Variants in CCDC60 observed in about 807,000 individuals in gnomAD.
The protein encoded by CCDC60 is coiled-coil domain-containing protein 60.
CCDC60 carries 54 observed loss-of-function variants against 63.5 expected under a neutral mutation model. That is an observed-to-expected ratio of 0.85 (90% CI 0.68 to 1.07). CCDC60 has a LOEUF of 1.07. Among genes scored for constraint, CCDC60 ranks in the 50% least tolerant of loss-of-function variants. The pLI, the probability that CCDC60 is intolerant of heterozygous loss-of-function variation, is 0.00. For synonymous variants in CCDC60, 206 were observed against 238.8 expected (o/e 0.86, Z 1.27); for missense variants, 651 against 684.3 (o/e 0.95, Z 0.54).
chr12:119,471,965 T>A, intron 2 of CCDC60, 29 bp from the exon 3 acceptor site: 1 of 1,599,974 alleles, frequency 6.3e-7, no homozygotes, highest in Non-Finnish European at 8.5e-7. Context: ...TTCCTCCCTC[T>A]CTCCCTCTTC....
At chr12:119,397,080 G>A (rs183790035) in intron 1 of CCDC60, among the ~76,000 whole-genome samples, 11 of 151,648 alleles carry the variant, frequency 7.3e-5, no homozygotes, top group East Asian at 5.8e-4. Flanking sequence ...GGAGTTGTTC[G>A]TTCCTCCCCT....
At chr12:119,436,339 T>G (rs1473641215) in intron 2 of CCDC60, among the ~76,000 whole-genome samples, 1 of 152,092 alleles carries the variant, frequency 6.6e-6, no homozygotes, top group East Asian at 1.9e-4. Flanking sequence ...CAGACAGCAG[T>G]GGGCACAGAG....
At chr12:119,396,723 A>T (rs541991445) in intron 1 of CCDC60, among the ~76,000 whole-genome samples, 3 of 152,304 alleles carry the variant, frequency 2.0e-5, no homozygotes, top group East Asian at 1.9e-4. Context: ...CTACAAAAAA[A>T]TTTAAATAAT....
chr12:119,348,820 C>T (rs1288344872), intron 1 of CCDC60, among the ~76,000 whole-genome samples: 2 of 152,148 alleles, frequency 1.3e-5, no homozygotes, highest in East Asian at 3.9e-4. Flanking sequence ...ATCATTCTCT[C>T]AAGGTCGTCC....
intron 1 of CCDC60, among the ~76,000 whole-genome samples, chr12:119,362,877 T>C (rs1955804488): frequency 6.6e-6 from 1 of 152,202 alleles, no homozygotes; most frequent in Non-Finnish European, 1.5e-5. Context: ...GGTGGGCAGA[T>C]CACTTGAGGC....
At chr12:119,491,482 C>A (rs1301746484) in intron 5 of CCDC60, among the ~76,000 whole-genome samples, 1 of 152,132 alleles carries the variant, frequency 6.6e-6, no homozygotes, top group Non-Finnish European at 1.5e-5. Flanking sequence ...GTGCCCGCCA[C>A]CACGCCCGGC....
At chr12:119,499,997 TATTTATTGC>T in intron 5 of CCDC60, 72 bp from the exon 6 acceptor site, 1 of 976,056 alleles carries the variant, frequency 1.0e-6, no homozygotes, top group Non-Finnish European at 1.7e-6. Context: ...ATTCCTCCTC[TATTTATTGC>T]ATTTCTTAAA....
intron 13 of CCDC60, among the ~76,000 whole-genome samples, chr12:119,539,724 G>A (rs1953103085): frequency 6.6e-6 from 1 of 152,168 alleles, no homozygotes; most frequent in Non-Finnish European, 1.5e-5. Context: ...GGTGCCACAG[G>A]GGTATAAGAA....
At chr12:119,407,013 T>G (rs1956504864) in intron 1 of CCDC60, among the ~76,000 whole-genome samples, 1 of 152,164 alleles carries the variant, frequency 6.6e-6, no homozygotes, top group Non-Finnish European at 1.5e-5. Context: ...AATATCTTCT[T>G]GTCATGAGAG....
At chr12:119,488,215 A>G (rs1304818380) in intron 4 of CCDC60, among the ~76,000 whole-genome samples, 2 of 152,264 alleles carry the variant, frequency 1.3e-5, no homozygotes, top group Non-Finnish European at 2.9e-5. Flanking sequence ...CAAAGGACTC[A>G]TAAATGTAAA....
Position 119,378,186 on chromosome 12 carries a change from C to T in CCDC60, c.90+42920C>T, listed in dbSNP as rs117663773. On this transcript the variant is annotated intron_variant, in intron 1 of 13. Coordinates refer to ENST00000327554, the MANE Select transcript of CCDC60 (RefSeq NM_178499.5). Reference sequence around the variant, plus strand: ...ACTAGCAGATCGGTTCTCTACCTGGCGGGTGCCGTGTTGTCTGTTCCTTAC... The same window carrying T: ...ACTAGCAGATCGGTTCTCTACCTGGTGGGTGCCGTGTTGTCTGTTCCTTAC... Among the ~76,000 whole-genome samples, 116 of 152,276 alleles carry T rather than the reference C, an allele frequency of 7.6e-4. No individual in the cohort carries two copies. The East Asian group carries it at 0.016, about 22-fold the overall frequency.
At chr12:119,424,658 A>G (rs1215527739) in intron 1 of CCDC60, among the ~76,000 whole-genome samples, 1 of 152,148 alleles carries the variant, frequency 6.6e-6, no homozygotes, top group Non-Finnish European at 1.5e-5. Flanking sequence ...TTAACTTATT[A>G]ACTTTTAATT....
At chr12:119,534,239 T>C (rs956100215) in intron 13 of CCDC60, among the ~76,000 whole-genome samples, 1 of 152,216 alleles carries the variant, frequency 6.6e-6, no homozygotes, top group African/African-American at 2.4e-5. Flanking sequence ...TATATAGGAA[T>C]GCTTGTGATT....
At chr12:119,375,196 A>G (rs1955938904) in intron 1 of CCDC60, among the ~76,000 whole-genome samples, 1 of 152,166 alleles carries the variant, frequency 6.6e-6, no homozygotes, top group Admixed American at 6.5e-5. Flanking sequence ...GTGTCTTAAG[A>G]ATGTATCCAT....
At chr12:119,392,367 TGAG>T (rs1956174863) in intron 1 of CCDC60, among the ~76,000 whole-genome samples, 1 of 152,194 alleles carries the variant, frequency 6.6e-6, no homozygotes, top group African/African-American at 2.4e-5. Flanking sequence ...ACCTCTGCTG[TGAG>T]GAGAAGTGGA....
rs566745746 is a variant in CCDC60 at position 119,424,088 on chromosome 12, A to G, written c.91-4595A>G. ...TTGCCTATAATTCAAATGCCCTGAGATAACATCTCTATTAACAATTTATTG... is the reference window on the plus strand; with the variant it reads ...TTGCCTATAATTCAAATGCCCTGAGGTAACATCTCTATTAACAATTTATTG... On this transcript the variant is annotated intron_variant, in intron 1 of 13. Coordinates refer to ENST00000327554, the MANE Select transcript of CCDC60 (RefSeq NM_178499.5). Among the ~76,000 whole-genome samples the G allele has an allele frequency of 1.3e-4, 20 of 152,336 alleles. No homozygotes were observed. The South Asian group carries it at 1.5e-3, about 11-fold the overall frequency.
chr12:119,516,691 C>A lies in CCDC60; in HGVS notation c.952C>A (p.Gln318Lys). ...GACAGTCACAATAGAAAATGGGATG[C>A]AAAGAAAAGCACCCAGGTATGTGCT... ...RRTVTIENGMQRKAPSILSVL... is the reference protein window; with the variant it reads ...RRTVTIENGMKRKAPSILSVL... Residue 318 changes from glutamine (Q) to lysine (K), a missense_variant, in exon 8 of 14, where the codon CAA becomes AAA. Gln to Lys is a moderately conservative substitution (Grantham distance 53, BLOSUM62 1). Coordinates refer to ENST00000327554, the MANE Select transcript of CCDC60 (RefSeq NM_178499.5). 1.2e-6 allele frequency: 2 copies of A among 1,612,414 alleles called. No individual in the cohort carries two copies. The highest frequency in any genetic ancestry group is 1.7e-6 in the Non-Finnish European group (2 of 1,178,586).
intron 13 of CCDC60, among the ~76,000 whole-genome samples, chr12:119,531,343 G>A (rs1397250954): frequency 6.6e-6 from 1 of 152,172 alleles, no homozygotes; most frequent in African/African-American, 2.4e-5. Context: ...TACTAAAAGT[G>A]TACTCCATGG....
intron 4 of CCDC60, among the ~76,000 whole-genome samples, chr12:119,488,413 G>T (rs758027150): frequency 6.6e-6 from 1 of 152,124 alleles, no homozygotes; most frequent in South Asian, 2.1e-4. Flanking sequence ...CCAGCTGGGG[G>T]ACCCCTTCTT....
Sources: allele counts gnomAD v4.1 joint callset (sites outside exome capture counted in the v4.1 genomes callset), GRCh38; gene constraint gnomAD v4.1.1; transcripts MANE v1.5; gene names NCBI Gene and HGNC (gene_info 2026-07-23, HGNC 2026-07-21).